Variants in CHODL observed in about 807,000 individuals in gnomAD.
CHODL encodes the protein transmembrane protein MT75.
CHODL carries 29 observed loss-of-function variants against 34.5 expected under a neutral mutation model. That is an observed-to-expected ratio of 0.84 (90% CI 0.63 to 1.15). The LOEUF (loss-of-function observed/expected upper bound fraction) is 1.15. Among genes scored for constraint, CHODL ranks in the 50% most tolerant of loss-of-function variants. CHODL has a pLI of 0.00. For missense variants in CHODL, 332 were observed against 332.5 expected (o/e 1.00, Z 0.01); for synonymous variants, 125 against 116.1 (o/e 1.08, Z -0.49).
At chr21:18,122,164 T>C (rs1365110974) in intron 2 of CHODL, among the ~76,000 whole-genome samples, 1 of 151,874 alleles carries the variant, frequency 6.6e-6, no homozygotes. Flanking sequence ...GCCTAAGTGA[T>C]TCCAGTTGAA....
At chr21:18,007,254 A>G (rs2063969476) in intron 1 of CHODL, among the ~76,000 whole-genome samples, 1 of 152,252 alleles carries the variant, frequency 6.6e-6, no homozygotes, top group South Asian at 2.1e-4. Flanking sequence ...AGGTGGGCAC[A>G]GGATTTGTTG....
rs2074472966 is a variant in CHODL at position 18,267,103 on chromosome 21, ATC to A, written c.*1066_*1067del. 2 of 152,236 alleles carry A rather than the reference ATC, an allele frequency of 1.3e-5. No individual in the cohort carries two copies. Among genetic ancestry groups the A allele is most frequent in the Non-Finnish European group, 2.9e-5 (2 of 68,038 alleles). The allele number at this position is 152,236 out of a possible 1,614,324, so 9.4% of individuals were successfully genotyped here. ...GGTTGAGACCAGGTGAATAGTCACT[ATC>A]AGTGTGGAGACAAGCACAGCACACA... On this transcript the variant is annotated 3_prime_UTR_variant, in exon 6 of 6. Coordinates refer to ENST00000299295, the MANE Select transcript of CHODL (RefSeq NM_024944.3).
intron 5 of CHODL, among the ~76,000 whole-genome samples, chr21:18,263,900 C>CT (rs2074413245): frequency 1.4e-5 from 2 of 140,392 alleles, no homozygotes; most frequent in South Asian, 4.3e-4. Context: ...ACATTAATAA[C>CT]CTTTTTTTTT....
chr21:18,165,937 A>G (rs1038608570), intron 2 of CHODL, among the ~76,000 whole-genome samples: 8 of 152,258 alleles, frequency 5.3e-5, no homozygotes, highest in Non-Finnish European at 1.2e-4. Flanking sequence ...TCTGTTCTAT[A>G]TTACAAGTTA....
At chr21:18,119,032 C>T (rs1337460321) in intron 2 of CHODL, among the ~76,000 whole-genome samples, 1 of 151,988 alleles carries the variant, frequency 6.6e-6, no homozygotes, top group Non-Finnish European at 1.5e-5. Flanking sequence ...TATGATATAT[C>T]CTTTTATTTT....
At chr21:18,228,154 C>T (rs1036222683) in intron 2 of CHODL, among the ~76,000 whole-genome samples, 1 of 152,090 alleles carries the variant, frequency 6.6e-6, no homozygotes, top group African/African-American at 2.4e-5. Context: ...ATATTTCACA[C>T]TAAAAATTAA....
At chr21:18,240,813 T>G (rs1464170560), upstream of CHODL, among the ~76,000 whole-genome samples, 2 of 152,166 alleles carry the variant, frequency 1.3e-5, no homozygotes, top group African/African-American at 4.8e-5. Context: ...ATAGGATATA[T>G]TACTAGTAAT....
chr21:18,143,134 T>G (rs532413299), intron 2 of CHODL, among the ~76,000 whole-genome samples: 5 of 152,314 alleles, frequency 3.3e-5, no homozygotes, highest in African/African-American at 9.6e-5. Context: ...AGGGAAACAC[T>G]CTGTAAATGA....
chr21:18,048,049 A>G (rs1248972969), intron 2 of CHODL, among the ~76,000 whole-genome samples: 1 of 151,886 alleles, frequency 6.6e-6, no homozygotes, highest in African/African-American at 2.4e-5. Context: ...AGCACCTACT[A>G]TGTCCTGTGC....
intron 2 of CHODL, among the ~76,000 whole-genome samples, chr21:18,171,162 C>CT (rs35213552): frequency 8.2e-4 from 58 of 71,106 alleles, no homozygotes; most frequent in Middle Eastern, 0.013. Flanking sequence ...TGTTCTCATA[C>CT]TTTTTTTTTT....
intron 2 of CHODL, among the ~76,000 whole-genome samples, chr21:18,209,119 C>A (rs2073746307): frequency 6.6e-6 from 1 of 152,148 alleles, no homozygotes; most frequent in South Asian, 2.1e-4. Flanking sequence ...GGCAAGATCT[C>A]CCTGGCCCTG....
intron 1 of CHODL, among the ~76,000 whole-genome samples, chr21:18,024,966 T>C (rs531895387): frequency 1.3e-5 from 2 of 152,302 alleles, no homozygotes; most frequent in African/African-American, 2.4e-5. Context: ...ACTGTGACTA[T>C]ATCTTGGGAC....
At chr21:18,202,350 G>A (rs932615982) in intron 2 of CHODL, among the ~76,000 whole-genome samples, 1 of 152,108 alleles carries the variant, frequency 6.6e-6, no homozygotes, top group African/African-American at 2.4e-5. Flanking sequence ...TTTGGAGTAA[G>A]GAAATCACTA....
At chr21:17,996,098 C>G (rs373143108) in intron 1 of CHODL, among the ~76,000 whole-genome samples, 2 of 151,566 alleles carry the variant, frequency 1.3e-5, no homozygotes, top group Non-Finnish European at 2.9e-5. Flanking sequence ...TGCAAAGGCT[C>G]ATTTTACCTA....
chr21:18,231,809 A>G (rs1396498012), intron 2 of CHODL, among the ~76,000 whole-genome samples: 2 of 150,760 alleles, frequency 1.3e-5, no homozygotes, highest in African/African-American at 4.9e-5. Flanking sequence ...TGTGCTTTGT[A>G]TGGGGTTATG....
rs182245400 is a variant in CHODL, at chr21:18,032,359, T to A, written c.-45+4388T>A. ...TTTATGTATCATTTAAAAACATTTT[T>A]AAAAATAACATTAAGAAGTTAGGAA... On this transcript the variant is annotated intron_variant, in intron 2 of 6. Transcript: ENST00000400127. Among the ~76,000 whole-genome samples, 393 of 152,226 alleles carry A rather than the reference T, an allele frequency of 2.6e-3. 3 individuals carry two copies. The highest frequency in any genetic ancestry group is 4.5e-3 in the Non-Finnish European group (305 of 67,986).
intron 2 of CHODL, among the ~76,000 whole-genome samples, chr21:18,086,628 G>A (rs535657230): frequency 2.0e-5 from 3 of 152,258 alleles, no homozygotes; most frequent in East Asian, 3.9e-4. Flanking sequence ...AGTGGTATCT[G>A]TAATTTCTTC....
At chr21:18,254,169 T>C (rs1240830121) in intron 1 of CHODL, among the ~76,000 whole-genome samples, 2 of 150,976 alleles carry the variant, frequency 1.3e-5, no homozygotes, top group Non-Finnish European at 2.9e-5. Context: ...TACAAGAATC[T>C]CCCCCACCCC....
intron 2 of CHODL, among the ~76,000 whole-genome samples, chr21:18,238,132 T>C (rs2074046797): frequency 1.3e-5 from 2 of 152,110 alleles, no homozygotes; most frequent in South Asian, 4.1e-4. Flanking sequence ...CACTCTGAAC[T>C]ATTAACTTGG....
Sources: gnomAD v4.1 joint callset for allele counts (sites outside exome capture counted in the v4.1 genomes callset) on GRCh38, gnomAD v4.1.1 for gene constraint, MANE v1.5 for transcripts, NCBI Gene and HGNC (gene_info 2026-07-23, HGNC 2026-07-21) for gene names.